The following SLC7A14 variants were observed in gnomAD, a reference collection of about 807,000 sequenced individuals.
SLC7A14 encodes gamma-aminobutyric acid transporter SLC7A14.
Under a neutral mutation model 60.2 loss-of-function variants are expected in SLC7A14, and 37 were observed. The observed-to-expected ratio is 0.61, with a 90% CI of 0.47 to 0.81. SLC7A14 has a LOEUF of 0.81. SLC7A14 is among the 30% of genes least tolerant of loss of function. The pLI is 0.00. For synonymous variants in SLC7A14, 399 were observed against 395.8 expected, an observed-to-expected ratio of 1.01 and a Z score of -0.10; for missense variants, 886 against 982.7, an observed-to-expected ratio of 0.90 and a Z score of 1.32.
At chr3:170,492,785 C>T (rs1156948943) in intron 4 of SLC7A14, among the ~76,000 whole-genome samples, 2 of 152,208 alleles carry the variant, frequency 1.3e-5, no homozygotes, top group South Asian at 2.1e-4. Flanking sequence ...GCAGCCTTCA[C>T]ACATTCTGCC....
At chr3:170,481,542 C>G (rs955752912) in intron 6 of SLC7A14, among the ~76,000 whole-genome samples, 2 of 151,950 alleles carry the variant, frequency 1.3e-5, no homozygotes, top group Non-Finnish European at 2.9e-5. Context: ...GCTGGGATTA[C>G]AGGCATGCAC....
At chr3:170,485,868 C>G (rs572398823) in intron 5 of SLC7A14, among the ~76,000 whole-genome samples, 1 of 152,268 alleles carries the variant, frequency 6.6e-6, no homozygotes, top group East Asian at 1.9e-4. Flanking sequence ...TGCACAGAGG[C>G]CCACAATGCC....
rs924235053 is a variant in SLC7A14 at position 170,585,496 on chromosome 3, G to T, written c.-153+415C>A. Reference sequence around the variant, plus strand: ...GAGAACGGAGCTGCCCGTGCGGGGTGCGCGCCAAGGCGGGGGACAGGACGG... The same window carrying T: ...GAGAACGGAGCTGCCCGTGCGGGGTTCGCGCCAAGGCGGGGGACAGGACGG... On this transcript the variant is annotated intron_variant, in intron 1 of 7. Transcript: ENST00000231706. The surrounding 1 kb of genome is among the most constrained non-coding windows in gnomAD (Gnocchi z 5.1). 4.6e-5 allele frequency among the ~76,000 whole-genome samples: 7 copies of T among 152,344 alleles called. No homozygotes were observed. Among genetic ancestry groups the T allele is most frequent in the Admixed American group, 4.6e-4 (7 of 15,312 alleles).
In SLC7A14 at chr3:170,526,674, A is replaced by G; in HGVS notation, c.263T>C (p.Ile88Thr). 1 of 1,614,232 alleles carries G rather than the reference A, an allele frequency of 6.2e-7. No individual in the cohort carries two copies. Among genetic ancestry groups the G allele is most frequent in the Non-Finnish European group, 8.5e-7 (1 of 1,180,038 alleles). Reference sequence around the variant, plus strand: ...GACGGCTGCAATGATGAAGGACACAATGACACCAGGTCCTGCCATTTCCTT... The same window carrying G: ...GACGGCTGCAATGATGAAGGACACAGTGACACCAGGTCCTGCCATTTCCTT... ...VAKEMAGPGV[I>T]VSFIIAAVAS... The change falls in exon 2 of 8, where the codon ATT (isoleucine) becomes ACT (threonine). Residue 88 changes from isoleucine to threonine, a missense_variant. Coordinates refer to ENST00000231706, the MANE Select transcript of SLC7A14 (RefSeq NM_020949.3).
Position 170,505,803 on chromosome 3 carries a change from G to A in SLC7A14, c.305-4458C>T, listed in dbSNP as rs138797923. 2.2e-3 allele frequency among the ~76,000 whole-genome samples: 330 copies of A among 152,116 alleles called. 2 individuals are homozygous for A. The highest frequency in any genetic ancestry group is 0.017 in the Middle Eastern group (5 of 294). On this transcript the variant is annotated intron_variant, in intron 2 of 7. Coordinates refer to ENST00000231706, the MANE Select transcript of SLC7A14 (RefSeq NM_020949.3). Reference sequence around the variant, plus strand: ...CTCTGGAGGCTGGGGCAGGAGAATCGCTGCAACCTGGGAGGTGGAGGTTGC... The same window carrying A: ...CTCTGGAGGCTGGGGCAGGAGAATCACTGCAACCTGGGAGGTGGAGGTTGC...
intron 2 of SLC7A14, among the ~76,000 whole-genome samples, chr3:170,525,877 C>T (rs1488523355): frequency 6.6e-6 from 1 of 152,122 alleles, no homozygotes; most frequent in Non-Finnish European, 1.5e-5. Context: ...ACGACAGCAG[C>T]CTGGCCAACA....
intron 2 of SLC7A14, among the ~76,000 whole-genome samples, chr3:170,512,992 C>T (rs1188634965): frequency 3.3e-5 from 5 of 152,128 alleles, no homozygotes; most frequent in Non-Finnish European, 7.4e-5. Flanking sequence ...GTCTTCTGTG[C>T]ACAGCTGACA....
intron 1 of SLC7A14, among the ~76,000 whole-genome samples, chr3:170,581,246 C>T (rs1715225083): frequency 6.6e-6 from 1 of 152,138 alleles, no homozygotes; most frequent in Admixed American, 6.5e-5. Flanking sequence ...AAGCTCATTT[C>T]AATTTGTAAT....
At chr3:170,496,396 AG>A in intron 4 of SLC7A14, 1 of 1,421,688 alleles carries the variant, frequency 7.0e-7, no homozygotes, top group Middle Eastern at 2.3e-4. Flanking sequence ...GCTGAGATTG[AG>A]GGCCTCAAAG....
At chr3:170,510,032 C>T (rs559670805) in intron 2 of SLC7A14, among the ~76,000 whole-genome samples, 116 of 145,950 alleles carry the variant, frequency 7.9e-4, no homozygotes, top group Non-Finnish European at 1.2e-3. Context: ...GAGCCAAGAT[C>T]GCGCCACTGC....
intron 1 of SLC7A14, among the ~76,000 whole-genome samples, chr3:170,573,782 C>G (rs1365890031): frequency 6.6e-6 from 1 of 152,206 alleles, no homozygotes; most frequent in African/African-American, 2.4e-5. Context: ...TCTCTTGTCT[C>G]TGTTGCAGCC....
At chr3:170,470,058 AC>A (rs1279888718) in intron 7 of SLC7A14, among the ~76,000 whole-genome samples, 1 of 152,160 alleles carries the variant, frequency 6.6e-6, no homozygotes, top group Non-Finnish European at 1.5e-5. Flanking sequence ...GCTATAGATC[AC>A]CTATGCATTC....
intron 1 of SLC7A14, among the ~76,000 whole-genome samples, chr3:170,528,303 A>G (rs1307413002): frequency 6.6e-6 from 1 of 152,232 alleles, no homozygotes; most frequent in Non-Finnish European, 1.5e-5. Context: ...AGTTTAGTAA[A>G]TTAGGAACTG....
At chr3:170,487,047 C>T (rs1039460981) in intron 4 of SLC7A14, among the ~76,000 whole-genome samples, 1 of 148,784 alleles carries the variant, frequency 6.7e-6, no homozygotes, top group African/African-American at 2.5e-5. Context: ...ATTCTATTGT[C>T]TTCACTGGGA....
intron 4 of SLC7A14, among the ~76,000 whole-genome samples, chr3:170,497,844 T>C (rs542037476): frequency 6.6e-6 from 1 of 152,244 alleles, no homozygotes; most frequent in Non-Finnish European, 1.5e-5. Flanking sequence ...TAAACCGCAC[T>C]AGCCAGATCA....
intron 1 of SLC7A14, among the ~76,000 whole-genome samples, chr3:170,541,501 C>T (rs1047064330): frequency 2.6e-5 from 4 of 152,078 alleles, no homozygotes; most frequent in African/African-American, 9.7e-5. Context: ...AAGGCTGACA[C>T]AGGAGGATTG....
chr3:170,526,681 C>A lies in SLC7A14; in HGVS notation c.256G>T (p.Gly86Cys), dbSNP rs370749503. 1.2e-6 allele frequency: 2 copies of A among 1,614,214 alleles called. No homozygotes were observed. Among genetic ancestry groups the A allele is most frequent in the South Asian group, 2.2e-5 (2 of 91,082 alleles). Residue 86 changes from glycine (G) to cysteine (C), a missense_variant, in exon 2 of 8, where the codon GGT (glycine) becomes TGT (cysteine). Gly to Cys is a radical substitution (Grantham distance 159, BLOSUM62 -3). Coordinates refer to ENST00000231706, the MANE Select transcript of SLC7A14 (RefSeq NM_020949.3). ...GCAATGATGAAGGACACAATGACAC[C>A]AGGTCCTGCCATTTCCTTGGCCACC... The part of the protein sequence containing the change: ...GLVAKEMAGP[G>C]VIVSFIIAAV...
In SLC7A14 at chr3:170,585,091, G is replaced by A. The variant is rs1294601425; in HGVS notation, c.-153+820C>T. On this transcript the variant is annotated intron_variant, in intron 1 of 7. Coordinates refer to ENST00000231706, the MANE Select transcript of SLC7A14 (RefSeq NM_020949.3). The surrounding 1 kb of genome is among the most constrained non-coding windows in gnomAD (Gnocchi z 5.1). ...ACACAGGAGAGAGAAGGAGGGTGGGGGCTGCATCCCGCGTGGCCACGCAGC... is the reference window on the plus strand; with the variant it reads ...ACACAGGAGAGAGAAGGAGGGTGGGAGCTGCATCCCGCGTGGCCACGCAGC... Among the ~76,000 whole-genome samples the A allele has an allele frequency of 1.3e-5, 2 of 152,152 alleles. No individual in the cohort carries two copies. The highest frequency in any genetic ancestry group is 4.8e-5 in the African/African-American group (2 of 41,436).
intron 3 of SLC7A14, among the ~76,000 whole-genome samples, chr3:170,500,383 G>A (rs987983288): frequency 5.6e-5 from 8 of 143,996 alleles, no homozygotes; most frequent in African/African-American, 2.1e-4. Flanking sequence ...AGGTTGCAGT[G>A]AGCCCAGATC....
Sources: allele counts gnomAD v4.1 joint callset (sites outside exome capture counted in the v4.1 genomes callset), GRCh38; gene constraint gnomAD v4.1.1; non-coding constraint Gnocchi (gnomAD v3.1); transcripts MANE v1.5; gene names NCBI Gene and HGNC (gene_info 2026-07-23, HGNC 2026-07-21).